PCDH15: variants seen among roughly 807,000 people sequenced by gnomAD.
The protein encoded by PCDH15 is protocadherin-15.
Under a neutral mutation model 178.5 loss-of-function variants are expected in PCDH15, and 129 were observed. That is an observed-to-expected ratio of 0.72 (90% confidence interval 0.63 to 0.84). The LOEUF is 0.84. PCDH15 is among the 40% of genes least tolerant of loss of function. PCDH15 has a pLI of 0.00. For synonymous variants in PCDH15, 800 were observed against 732.0 expected (o/e 1.09, Z -1.50); for missense variants, 2,230 against 2,099.9 (o/e 1.06, Z -1.21).
At chr10:55,538,801 TTTCC>T (rs1210575289) in intron 2 of PCDH15, among the ~76,000 whole-genome samples, 1 of 111,776 alleles carries the variant, frequency 8.9e-6, no homozygotes, top group Non-Finnish European at 2.0e-5. Context: ...TCCTTCCTCC[TTTCC>T]TTCCTTCCTT....
chr10:53,866,827 C>T lies in PCDH15; in HGVS notation c.3532G>A (p.Val1178Ile), dbSNP rs147835286. 1.4e-3 allele frequency: 2,274 copies of T among 1,612,174 alleles called. 39 individuals are homozygous for T. The African/African-American group carries it at 0.027, about 19-fold the overall frequency. The change falls in exon 27 of 38, where the codon GTC (valine) becomes ATC (isoleucine). Residue 1178 changes from valine to isoleucine, a missense_variant. By Grantham distance (29) the Val-to-Ile change is conservative. Transcript: ENST00000644397. Reference sequence around the variant, plus strand: ...GGTATTATGAGTCTGTAGGCCATGACACTATAATTGCCAGTATCTTTATCA... The same window carrying T: ...GGTATTATGAGTCTGTAGGCCATGATACTATAATTGCCAGTATCTTTATCA... ...ATDKDTGNYS[V>I]MAYRLIIPPI...
chr10:55,426,370 A>G (rs1258793298), intron 2 of PCDH15, among the ~76,000 whole-genome samples: 1 of 152,088 alleles, frequency 6.6e-6, no homozygotes, highest in African/African-American at 2.4e-5. Flanking sequence ...GCAGGGGTGA[A>G]CTGCACTCAG....
chr10:54,232,953 G>A (rs2054231389), intron 9 of PCDH15, among the ~76,000 whole-genome samples: 1 of 121,754 alleles, frequency 8.2e-6, no homozygotes, highest in Non-Finnish European at 1.6e-5. Flanking sequence ...TTTAAAGAGA[G>A]TCACCTCCAA....
intron 1 of PCDH15, among the ~76,000 whole-genome samples, chr10:55,208,149 T>G (rs1054668358): frequency 2.6e-5 from 4 of 152,156 alleles, no homozygotes; most frequent in African/African-American, 9.7e-5. Context: ...ATACTTATTT[T>G]GTAGAAATAA....
At chr10:55,531,387 T>A (rs1465220416) in intron 2 of PCDH15, among the ~76,000 whole-genome samples, 1 of 151,980 alleles carries the variant, frequency 6.6e-6, no homozygotes, top group Non-Finnish European at 1.5e-5. Flanking sequence ...TAAAAATAGG[T>A]AATCTTTTAC....
chr10:55,364,419 G>A (rs1845303347), intron 2 of PCDH15, among the ~76,000 whole-genome samples: 1 of 151,934 alleles, frequency 6.6e-6, no homozygotes, highest in Non-Finnish European at 1.5e-5. Flanking sequence ...GGTTTCCATG[G>A]TTTCTTCTGA....
chr10:55,555,017 T>C (rs1589135033), intron 2 of PCDH15, among the ~76,000 whole-genome samples: 1 of 152,072 alleles, frequency 6.6e-6, no homozygotes, highest in African/African-American at 2.4e-5. Flanking sequence ...AAGATATCAA[T>C]TACTTCTTCC....
chr10:54,827,820 T>C (rs980495596), intron 3 of PCDH15, among the ~76,000 whole-genome samples: 1 of 152,048 alleles, frequency 6.6e-6, no homozygotes, highest in Non-Finnish European at 1.5e-5. Flanking sequence ...AGAAAGCAAA[T>C]TTTCAATATG....
chr10:54,578,331 T>C (rs1388506490), intron 2 of PCDH15, among the ~76,000 whole-genome samples: 1 of 152,068 alleles, frequency 6.6e-6, no homozygotes, highest in Non-Finnish European at 1.5e-5. Flanking sequence ...AAACCCTTGA[T>C]TGATAAAGAA....
intron 2 of PCDH15, among the ~76,000 whole-genome samples, chr10:55,585,882 T>C (rs994967406): frequency 6.6e-6 from 1 of 152,082 alleles, no homozygotes; most frequent in South Asian, 2.1e-4. Flanking sequence ...ATAGAACTAC[T>C]GTTCTGCCAG....
intron 28 of PCDH15, among the ~76,000 whole-genome samples, chr10:53,845,979 C>A (rs2077946272): frequency 6.7e-6 from 1 of 149,666 alleles, no homozygotes; most frequent in African/African-American, 2.5e-5. Context: ...TCACATATAT[C>A]CCAAAAATAT....
intron 25 of PCDH15, among the ~76,000 whole-genome samples, chr10:53,922,951 G>C (rs1488583837): frequency 3.3e-5 from 5 of 152,058 alleles, no homozygotes; most frequent in African/African-American, 9.7e-5. Flanking sequence ...GCCGGGCATG[G>C]TGGCGGGCAC....
At chr10:55,448,770 C>T (rs1279239658) in intron 2 of PCDH15, among the ~76,000 whole-genome samples, 1 of 152,022 alleles carries the variant, frequency 6.6e-6, no homozygotes, top group Non-Finnish European at 1.5e-5. Flanking sequence ...AGCCAATATA[C>T]TCAGACCTCT....
At chr10:53,921,258 G>C (rs1182386830) in intron 25 of PCDH15, among the ~76,000 whole-genome samples, 1 of 152,058 alleles carries the variant, frequency 6.6e-6, no homozygotes, top group Non-Finnish European at 1.5e-5. Flanking sequence ...ACTAGTCACA[G>C]TATAAATGGA....
intron 2 of PCDH15, among the ~76,000 whole-genome samples, chr10:54,557,816 A>C (rs1045177041): frequency 6.6e-6 from 1 of 152,156 alleles, no homozygotes; most frequent in Non-Finnish European, 1.5e-5. Flanking sequence ...TAAATCTAGT[A>C]TTCCCACATC....
At chr10:54,248,845 G>C (rs1265536239) in intron 8 of PCDH15, among the ~76,000 whole-genome samples, 2 of 151,998 alleles carry the variant, frequency 1.3e-5, no homozygotes, top group Non-Finnish European at 2.9e-5. Context: ...TCTTGTCTCT[G>C]ATAGGAGTGG....
At chr10:55,286,714 C>A (rs1280320522) in intron 1 of PCDH15, among the ~76,000 whole-genome samples, 1 of 151,890 alleles carries the variant, frequency 6.6e-6, no homozygotes, top group Non-Finnish European at 1.5e-5. Flanking sequence ...GAATTTATCC[C>A]ATCAGTTATA....
intron 1 of PCDH15, among the ~76,000 whole-genome samples, chr10:54,780,370 T>C (rs1295868458): frequency 6.6e-6 from 1 of 152,180 alleles, no homozygotes; most frequent in African/African-American, 2.4e-5. Context: ...GATGTCAGCA[T>C]TAGCTAGCTG....
intron 2 of PCDH15, among the ~76,000 whole-genome samples, chr10:55,008,014 GTA>G (rs2131939259): frequency 6.6e-6 from 1 of 152,112 alleles, no homozygotes; most frequent in South Asian, 2.1e-4. Context: ...AAAAATGTTA[GTA>G]TTTAAAGTAG....
Sources: allele counts gnomAD v4.1 joint callset (sites outside exome capture counted in the v4.1 genomes callset), GRCh38; gene constraint gnomAD v4.1.1; transcripts MANE v1.5; gene names NCBI Gene and HGNC (gene_info 2026-07-23, HGNC 2026-07-21).